Variants in FGF14 observed in about 807,000 individuals in gnomAD.
FGF14 encodes fibroblast growth factor homologous factor 4.
In FGF14, 5 loss-of-function variants were observed where a neutral mutation model predicts 25.5. The observed-to-expected ratio is 0.20, with a 90% CI of 0.10 to 0.41. The LOEUF is 0.41. FGF14 is among the 10% of genes least tolerant of loss of function. FGF14 has a pLI of 1.00. For synonymous variants in FGF14, 138 were observed against 118.3 expected, an observed-to-expected ratio of 1.17 and a Z score of -1.08; for missense variants, 222 against 320.1, an observed-to-expected ratio of 0.69 and a Z score of 2.34.
chr13:102,069,944 G>A (rs971391961), intron 1 of FGF14, among the ~76,000 whole-genome samples: 1 of 152,106 alleles, frequency 6.6e-6, no homozygotes, highest in Non-Finnish European at 1.5e-5. Context: ...GAAAACATTG[G>A]GGAAATTCTC....
chr13:101,902,626 C>T (rs1316540299), intron 1 of FGF14, among the ~76,000 whole-genome samples: 1 of 152,160 alleles, frequency 6.6e-6, no homozygotes, highest in African/African-American at 2.4e-5. Context: ...ACCTTAAATG[C>T]AAGCGCCAGT....
At position 101,966,417 on chromosome 13, in the gene FGF14, C is replaced by T. The variant is rs534495306; in HGVS notation, c.209-91121G>A. On this transcript the variant is annotated intron_variant, in intron 1 of 4. Transcript: ENST00000376131. ...AGACTCTGGAGGGAGCATGGTTCTG[C>T]AGAAACCTTGATTTTGGACTCAGAT... is the stretch of plus-strand genomic sequence containing the variant. Among the ~76,000 whole-genome samples, 9 of 152,272 alleles carry T rather than the reference C, an allele frequency of 5.9e-5. No homozygotes were observed. In the South Asian group the frequency reaches 1.9e-3, roughly 32 times the overall value.
At chr13:102,091,211 C>G (rs911138727) in intron 1 of FGF14, among the ~76,000 whole-genome samples, 1 of 152,096 alleles carries the variant, frequency 6.6e-6, no homozygotes, top group Non-Finnish European at 1.5e-5. Context: ...CCAAATGTGC[C>G]AGTTATTTAC....
intron 1 of FGF14, among the ~76,000 whole-genome samples, chr13:102,084,643 T>TCA (rs113060871): frequency 0.043 from 6,505 of 152,168 alleles, 439 homozygotes; most frequent in African/African-American, 0.15. Flanking sequence ...TTATACATTG[T>TCA]CAAAGGAAGC....
chr13:102,021,793 T>G (rs2040666308), intron 1 of FGF14, among the ~76,000 whole-genome samples: 1 of 152,056 alleles, frequency 6.6e-6, no homozygotes, highest in Non-Finnish European at 1.5e-5. Flanking sequence ...TGTGTGTATC[T>G]GATACAGGAG....
intron 1 of FGF14, among the ~76,000 whole-genome samples, chr13:102,224,366 A>T (rs147502418): frequency 1.6e-3 from 247 of 152,280 alleles, no homozygotes; most frequent in African/African-American, 5.6e-3. Context: ...TGGAGAAGTG[A>T]TCTTTTCCTA....
intron 3 of FGF14, among the ~76,000 whole-genome samples, chr13:101,819,241 T>A (rs1015221433): frequency 6.6e-6 from 1 of 151,984 alleles, no homozygotes; most frequent in African/African-American, 2.4e-5. Flanking sequence ...AATTAAATCA[T>A]CTAAAGAAGG....
Position 101,978,133 on chromosome 13 carries a change from G to T in FGF14, c.209-102837C>A, listed in dbSNP as rs6491660. Among the ~76,000 whole-genome samples, 635 of 152,266 alleles carry T rather than the reference G, an allele frequency of 4.2e-3. 3 individuals are homozygous for T. Among genetic ancestry groups the T allele is most frequent in the African/African-American group, 0.015 (605 of 41,552 alleles). The stretch of plus-strand genomic sequence containing the variant: ...AGATTTAAACAGGTTAACAAAAATT[G>T]GGGTGCTTTTTTGTGGTTTTAAATT... On this transcript the variant is annotated intron_variant, in intron 1 of 4. Transcript: ENST00000376131.
At chr13:101,910,107 G>C (rs543535416) in intron 1 of FGF14, among the ~76,000 whole-genome samples, 1 of 151,936 alleles carries the variant, frequency 6.6e-6, no homozygotes, top group Non-Finnish European at 1.5e-5. Context: ...GTGGGGGTAG[G>C]GGGGAGGGAT....
At chr13:102,219,228 A>T (rs1437906373) in intron 1 of FGF14, among the ~76,000 whole-genome samples, 1 of 152,216 alleles carries the variant, frequency 6.6e-6, no homozygotes, top group Non-Finnish European at 1.5e-5. Flanking sequence ...TGGATAAAAG[A>T]CATTTTCTGT....
chr13:101,977,383 G>A (rs2037994258), intron 1 of FGF14, among the ~76,000 whole-genome samples: 1 of 152,088 alleles, frequency 6.6e-6, no homozygotes, highest in South Asian at 2.1e-4. Context: ...CTCCCCCATT[G>A]TGAAGCAGCT....
chr13:102,096,701 G>A (rs1010506371), intron 1 of FGF14, among the ~76,000 whole-genome samples: 5 of 152,126 alleles, frequency 3.3e-5, no homozygotes, highest in African/African-American at 1.2e-4. Context: ...TCAACCCACA[G>A]CTATCAGATT....
At chr13:102,064,611 C>G (rs2042827090) in intron 1 of FGF14, among the ~76,000 whole-genome samples, 2 of 151,902 alleles carry the variant, frequency 1.3e-5, no homozygotes, top group African/African-American at 4.8e-5. Flanking sequence ...AAGGCATTTT[C>G]TATAGCACGA....
chr13:102,283,135 T>A (rs570787666), intron 1 of FGF14, among the ~76,000 whole-genome samples: 1 of 152,302 alleles, frequency 6.6e-6, no homozygotes, highest in East Asian at 1.9e-4. Context: ...ATCACGCTCA[T>A]GTTCCACTCA....
chr13:101,984,105 G>T (rs999532181), intron 1 of FGF14, among the ~76,000 whole-genome samples: 1 of 152,076 alleles, frequency 6.6e-6, no homozygotes, highest in African/African-American at 2.4e-5. Flanking sequence ...TGTTGCCACT[G>T]CTGTGGGAAC....
At chr13:102,256,217 G>A (rs182522419) in intron 1 of FGF14, among the ~76,000 whole-genome samples, 16 of 152,150 alleles carry the variant, frequency 1.1e-4, no homozygotes, top group Middle Eastern at 3.4e-3. Context: ...TCTTTCAAAA[G>A]TAGCTAACAT....
intron 1 of FGF14, among the ~76,000 whole-genome samples, chr13:101,913,095 G>A (rs549167520): frequency 6.2e-4 from 95 of 152,288 alleles, no homozygotes; most frequent in Middle Eastern, 3.4e-3. Flanking sequence ...CAGAGGAGAT[G>A]GCATTTTCTC....
intron 1 of FGF14, among the ~76,000 whole-genome samples, chr13:102,256,340 T>TA (rs995247907): frequency 5.3e-5 from 8 of 150,710 alleles, no homozygotes; most frequent in South Asian, 2.1e-4. Context: ...AAAAAAAAAT[T>TA]AAAAAAAAAT....
intron 1 of FGF14, among the ~76,000 whole-genome samples, chr13:102,280,402 A>T (rs2053769801): frequency 1.3e-5 from 2 of 152,180 alleles, no homozygotes; most frequent in Non-Finnish European, 2.9e-5. Context: ...AAACTGCACA[A>T]CCAACTGATG....
Sources: gnomAD v4.1 joint callset for allele counts (sites outside exome capture counted in the v4.1 genomes callset) on GRCh38, gnomAD v4.1.1 for gene constraint, MANE v1.5 for transcripts, NCBI Gene and HGNC (gene_info 2026-07-23, HGNC 2026-07-21) for gene names.